The following KHDRBS2 variants were observed in gnomAD, a reference collection of about 807,000 sequenced individuals.
The protein encoded by KHDRBS2 is KH domain-containing, RNA-binding, signal transduction-associated protein 2.
KHDRBS2 carries 26 observed loss-of-function variants against 44.3 expected under a neutral mutation model. The ratio of observed to expected loss-of-function variants is 0.59; its 90% CI spans 0.43 to 0.81. The LOEUF (loss-of-function observed/expected upper bound fraction) is 0.81. KHDRBS2 is among the 40% of genes least tolerant of loss of function. The pLI, the probability that KHDRBS2 is intolerant of heterozygous loss-of-function variation, is 0.00. For synonymous variants in KHDRBS2, 194 were observed against 151.1 expected, an observed-to-expected ratio of 1.28 and a Z score of -2.08; for missense variants, 476 against 433.1, an observed-to-expected ratio of 1.10 and a Z score of -0.88.
intron 7 of KHDRBS2, among the ~76,000 whole-genome samples, chr6:61,730,104 C>T (rs1250260972): frequency 1.3e-5 from 2 of 152,056 alleles, no homozygotes; most frequent in Non-Finnish European, 2.9e-5. Flanking sequence ...CTAATTAGTG[C>T]ATGTACTCAT....
At chr6:61,581,693 A>T in the KHDRBS2 span, among the ~76,000 whole-genome samples, 1 of 150,168 alleles carries the variant, frequency 6.7e-6, no homozygotes, top group South Asian at 2.1e-4. Flanking sequence ...ATAGAAAGAA[A>T]TAAATTGACT....
At chr6:62,162,878 C>T (rs1477428633) in intron 2 of KHDRBS2, among the ~76,000 whole-genome samples, 1 of 151,958 alleles carries the variant, frequency 6.6e-6, no homozygotes, top group Non-Finnish European at 1.5e-5. Flanking sequence ...GGATCAGGTG[C>T]CGTCACCAGC....
chr6:61,746,779 A>C (rs1776920483), intron 6 of KHDRBS2, among the ~76,000 whole-genome samples: 2 of 152,180 alleles, frequency 1.3e-5, no homozygotes, highest in Non-Finnish European at 2.9e-5. Flanking sequence ...AAAACCCTAG[A>C]AGAAAACCTA....
intron 3 of KHDRBS2, among the ~76,000 whole-genome samples, chr6:62,014,497 A>C (rs1192248495): frequency 2.6e-5 from 4 of 152,182 alleles, no homozygotes; most frequent in African/African-American, 9.6e-5. Context: ...GTATAAACAT[A>C]ACAAATTGCT....
rs573667580 is a variant in KHDRBS2, at chr6:61,774,147, G to A, written c.811-41383C>T. 3.2e-3 allele frequency among the ~76,000 whole-genome samples: 482 copies of A among 152,216 alleles called. 6 individuals carry two copies. The highest frequency in any genetic ancestry group is 0.028 in the Admixed American group (421 of 15,284). On this transcript the variant is annotated intron_variant, in intron 6 of 8. Transcript: ENST00000281156. Reference sequence around the variant, plus strand: ...TGCAGGCTCTTTTTTGGTGCCATATGAACTTTAAAGTAGTTTTTTCCAATT... The same window carrying A: ...TGCAGGCTCTTTTTTGGTGCCATATAAACTTTAAAGTAGTTTTTTCCAATT...
chr6:62,082,628 A>T (rs1015023743), intron 2 of KHDRBS2, among the ~76,000 whole-genome samples: 5 of 152,164 alleles, frequency 3.3e-5, no homozygotes, highest in African/African-American at 1.2e-4. Flanking sequence ...GGATGTTTAA[A>T]AATTGGAATT....
At chr6:61,550,809 T>C in the KHDRBS2 span, among the ~76,000 whole-genome samples, 127 of 149,316 alleles carry the variant, frequency 8.5e-4, no homozygotes, top group East Asian at 0.022. Context: ...AGTTTTGCTC[T>C]GTCACTCAGG....
the KHDRBS2 span, among the ~76,000 whole-genome samples, chr6:61,607,383 T>C: frequency 6.6e-6 from 1 of 150,588 alleles, no homozygotes; most frequent in Non-Finnish European, 1.5e-5. Flanking sequence ...AATAATTAAA[T>C]ATAAACATCA....
intron 3 of KHDRBS2, among the ~76,000 whole-genome samples, chr6:61,993,030 T>A (rs941043358): frequency 1.3e-5 from 2 of 152,272 alleles, no homozygotes; most frequent in African/African-American, 4.8e-5. Context: ...GAAACTGATA[T>A]GATATTGAGG....
At chr6:62,035,883 C>T (rs1239622340) in intron 3 of KHDRBS2, among the ~76,000 whole-genome samples, 2 of 151,984 alleles carry the variant, frequency 1.3e-5, no homozygotes, top group Admixed American at 6.6e-5. Flanking sequence ...ACTAAGGTGG[C>T]ACTTTTGGTT....
intron 6 of KHDRBS2, among the ~76,000 whole-genome samples, chr6:61,805,851 AGAGAT>A (rs1475118201): frequency 2.0e-5 from 3 of 152,176 alleles, no homozygotes; most frequent in African/African-American, 7.2e-5. Flanking sequence ...GATTACAATT[AGAGAT>A]GAGATTTGGT....
chr6:61,666,748 C>T, the KHDRBS2 span, among the ~76,000 whole-genome samples: 1 of 151,308 alleles, frequency 6.6e-6, no homozygotes, highest in East Asian at 1.9e-4. Flanking sequence ...ACACTAAACT[C>T]TCTAATTATT....
At chr6:62,161,572 G>C (rs1817632534) in intron 2 of KHDRBS2, among the ~76,000 whole-genome samples, 1 of 54,154 alleles carries the variant, frequency 1.8e-5, no homozygotes, top group Non-Finnish European at 4.0e-5. Flanking sequence ...TTTGGTATTT[G>C]CGGGGGGGGG....
At chr6:61,983,356 G>A (rs757389642) in intron 3 of KHDRBS2, among the ~76,000 whole-genome samples, 3 of 150,524 alleles carry the variant, frequency 2.0e-5, no homozygotes, top group Non-Finnish European at 3.0e-5. Flanking sequence ...GATTATAAGC[G>A]TGAGCTACCA....
At chr6:62,208,272 T>G (rs994871891) in intron 1 of KHDRBS2, among the ~76,000 whole-genome samples, 2 of 152,122 alleles carry the variant, frequency 1.3e-5, no homozygotes, top group Non-Finnish European at 2.9e-5. Flanking sequence ...CAGGCTTGAG[T>G]GCAGTGCTAT....
At chr6:61,829,369 G>A (rs1315744146) in intron 6 of KHDRBS2, among the ~76,000 whole-genome samples, 2 of 152,214 alleles carry the variant, frequency 1.3e-5, no homozygotes, top group Admixed American at 6.5e-5. Context: ...TCACCGTGTT[G>A]CCCAGGCTTG....
chr6:62,227,619 C>T (rs986585366), intron 1 of KHDRBS2, among the ~76,000 whole-genome samples: 1 of 152,174 alleles, frequency 6.6e-6, no homozygotes, highest in African/African-American at 2.4e-5. Context: ...AAGGGGAATG[C>T]TTCCAGCTTT....
chr6:61,953,924 A>T (rs1333150780), intron 4 of KHDRBS2, among the ~76,000 whole-genome samples: 3 of 152,172 alleles, frequency 2.0e-5, no homozygotes, highest in Non-Finnish European at 4.4e-5. Context: ...AGCTGTAAGT[A>T]ACTTAAAGAA....
chr6:62,190,454 T>C (rs1824360537), intron 1 of KHDRBS2, among the ~76,000 whole-genome samples: 1 of 152,060 alleles, frequency 6.6e-6, no homozygotes, highest in African/African-American at 2.4e-5. Context: ...TGCAGTTCCT[T>C]CAACCAAATA....
Sources: gnomAD v4.1 joint callset for allele counts (sites outside exome capture counted in the v4.1 genomes callset) on GRCh38, gnomAD v4.1.1 for gene constraint, MANE v1.5 for transcripts, NCBI Gene and HGNC (gene_info 2026-07-23, HGNC 2026-07-21) for gene names.